Variants in SMPD3 observed in about 807,000 individuals in gnomAD.
SMPD3 encodes sphingomyelin phosphodiesterase 3, also known as nSMase-2.
In SMPD3, 21 loss-of-function variants were observed where a neutral mutation model predicts 55.7. That is an observed-to-expected ratio of 0.38 (90% CI 0.27 to 0.54). The LOEUF is 0.54. Ranked by LOEUF, SMPD3 falls within the 20% of genes least tolerant of loss-of-function variation. SMPD3 has a pLI of 0.80. For synonymous variants in SMPD3, 457 were observed against 404.3 expected (o/e 1.13, Z -1.56); for missense variants, 842 against 899.6 (o/e 0.94, Z 0.82).
intron 7 of SMPD3, 110 bp from the exon 8 acceptor site, chr16:68,361,869 G>C: frequency 3.9e-3 from 2,984 of 768,188 alleles, no homozygotes; most frequent in Non-Finnish European, 5.1e-3. Context: ...GGGTGGGTGG[G>C]ACCAAAGCGC....
chr16:68,420,501 G>C (rs1242847875), intron 1 of SMPD3, among the ~76,000 whole-genome samples: 1 of 152,188 alleles, frequency 6.6e-6, no homozygotes, highest in East Asian at 1.9e-4. Flanking sequence ...ACCATTACCT[G>C]ACAGTCCTCC....
At position 68,361,774 on chromosome 16, in the gene SMPD3, A is replaced by T; in HGVS notation, c.1710-15T>A. On this transcript the variant is annotated splice_polypyrimidine_tract_variant and intron_variant, in intron 7 of 8. Coordinates refer to ENST00000219334, the MANE Select transcript of SMPD3 (RefSeq NM_018667.4). ...TCTCCAGGACCCTGTCCACACATGC[A>T]GGAGGCAGGTGGGCCCCCATGCCCG... The T allele has an allele frequency of 1.3e-6, 2 of 1,539,242 alleles. No individual in the cohort carries two copies. Among genetic ancestry groups the T allele is most frequent in the Non-Finnish European group, 1.8e-6 (2 of 1,133,004 alleles).
chr16:68,363,855 C>G lies in SMPD3; in HGVS notation c.1567G>C (p.Glu523Gln). ...TGGGTGAACAGGGAGTGTTGCTGCTCCAGCTTGTCGTCTGTGCGGGGAGGG... is the reference window on the plus strand; with the variant it reads ...TGGGTGAACAGGGAGTGTTGCTGCTGCAGCTTGTCGTCTGTGCGGGGAGGG... ...FDNCSSDDKL[E>Q]QQHSLFTHYR... The change falls in exon 6 of 9, where the codon GAG becomes CAG. Residue 523 changes from glutamate to glutamine, a missense_variant. Transcript: ENST00000219334. 1 of 1,564,396 alleles carries G rather than the reference C, an allele frequency of 6.4e-7. No individual in the cohort carries two copies.
intron 1 of SMPD3, among the ~76,000 whole-genome samples, chr16:68,421,291 G>A (rs2090391586): frequency 6.6e-6 from 1 of 152,192 alleles, no homozygotes; most frequent in Non-Finnish European, 1.5e-5. Context: ...TCTGCCACCT[G>A]CTTTCTGTGG....
chr16:68,408,591 C>CTGAA (rs2090271579), intron 1 of SMPD3, among the ~76,000 whole-genome samples: 1 of 152,206 alleles, frequency 6.6e-6, no homozygotes, highest in African/African-American at 2.4e-5. Context: ...CAGCATATTG[C>CTGAA]TGAATGAATC....
At chr16:68,412,522 G>C (rs1455485605) in intron 1 of SMPD3, among the ~76,000 whole-genome samples, 1 of 152,226 alleles carries the variant, frequency 6.6e-6, no homozygotes, top group Non-Finnish European at 1.5e-5. Flanking sequence ...AGCACCCCCA[G>C]TCCCTGCCTG....
Position 68,361,628 on chromosome 16 carries a change from T to G in SMPD3, c.1841A>C (p.Glu614Ala), listed in dbSNP as rs1228569619. Residue 614 changes from glutamate (E) to alanine (A), a missense_variant, in exon 8 of 9, where the codon GAG becomes GCG. Glu to Ala is a moderately radical substitution (Grantham distance 107). Transcript: ENST00000219334. The part of the protein sequence containing the change: ...RRIDYMLHAE[E>A]GLCPDWKAEV... Reference sequence around the variant, plus strand: ...GGCCTTCCAGTCTGGGCACAGCCCCTCCTCTGCATGCAGCATGTAGTCGAT... The same window carrying G: ...GGCCTTCCAGTCTGGGCACAGCCCCGCCTCTGCATGCAGCATGTAGTCGAT... 6.2e-7 allele frequency: 1 copy of G among 1,610,114 alleles called. No homozygotes were observed. Among genetic ancestry groups the G allele is most frequent in the Non-Finnish European group, 8.5e-7 (1 of 1,179,918 alleles).
intron 1 of SMPD3, among the ~76,000 whole-genome samples, chr16:68,446,243 G>A (rs2152037206): frequency 6.6e-6 from 1 of 152,300 alleles, no homozygotes; most frequent in Middle Eastern, 3.4e-3. Context: ...GAGTATGTCA[G>A]GGTCAGACCT....
chr16:68,396,029 C>T (rs2090153861), intron 1 of SMPD3, among the ~76,000 whole-genome samples: 1 of 152,160 alleles, frequency 6.6e-6, no homozygotes, highest in African/African-American at 2.4e-5. Context: ...GGGTGTAGCC[C>T]CTAGTTGTCT....
At chr16:68,379,292 A>C (rs905890055) in intron 2 of SMPD3, among the ~76,000 whole-genome samples, 25 of 152,224 alleles carry the variant, frequency 1.6e-4, no homozygotes, top group African/African-American at 5.3e-4. Flanking sequence ...GGTGTTGGAC[A>C]TGCAGGGCCA....
chr16:68,405,587 A>G (rs2090248421), intron 1 of SMPD3, among the ~76,000 whole-genome samples: 1 of 151,920 alleles, frequency 6.6e-6, no homozygotes, highest in African/African-American at 2.4e-5. Context: ...AGAAAATACA[A>G]AAAGAGAATA....
Position 68,384,581 on chromosome 16 carries a change from G to A in SMPD3, c.-207+2017C>T, listed in dbSNP as rs544080258. Among the ~76,000 whole-genome samples the A allele has an allele frequency of 3.9e-5, 6 of 152,300 alleles. No individual in the cohort carries two copies. The East Asian group carries it at 9.6e-4, about 24-fold the overall frequency. On this transcript the variant is annotated intron_variant, in intron 2 of 8. Transcript: ENST00000219334. Reference sequence around the variant, plus strand: ...AGCAGAAGGAGGGACGGCCTTGTGTGTGTGACTCTGTGGGTTGTCTCTGCA... The same window carrying A: ...AGCAGAAGGAGGGACGGCCTTGTGTATGTGACTCTGTGGGTTGTCTCTGCA...
chr16:68,406,989 A>G (rs1389904243), intron 1 of SMPD3, among the ~76,000 whole-genome samples: 3 of 152,134 alleles, frequency 2.0e-5, no homozygotes, highest in Non-Finnish European at 4.4e-5. Context: ...GTAAAATCGG[A>G]TGGCTGTTCT....
intron 2 of SMPD3, among the ~76,000 whole-genome samples, chr16:68,378,466 A>C (rs1183398207): frequency 1.3e-5 from 2 of 152,186 alleles, no homozygotes; most frequent in Non-Finnish European, 2.9e-5. Flanking sequence ...GTGCTGTGGC[A>C]GCGGCTCCTA....
intron 3 of SMPD3, among the ~76,000 whole-genome samples, chr16:68,365,635 CT>C (rs1215153320): frequency 6.6e-6 from 1 of 152,168 alleles, no homozygotes; most frequent in East Asian, 1.9e-4. Flanking sequence ...GAGTCATCTG[CT>C]TTATAGGCCG....
At chr16:68,361,919 T>G (rs1416779941) in intron 7 of SMPD3, among the ~76,000 whole-genome samples, 160 bp from the exon 8 acceptor site, 1 of 152,160 alleles carries the variant, frequency 6.6e-6, no homozygotes, top group African/African-American at 2.4e-5. Context: ...AAAAAGGGCC[T>G]CAGCTGGGGG....
intron 1 of SMPD3, among the ~76,000 whole-genome samples, chr16:68,435,223 G>A (rs1317490945): frequency 6.6e-6 from 1 of 152,186 alleles, no homozygotes; most frequent in Non-Finnish European, 1.5e-5. Context: ...GTAGGTTGGG[G>A]GAAAGGGACC....
At chr16:68,430,548 C>A (rs1192055877) in intron 1 of SMPD3, among the ~76,000 whole-genome samples, 1 of 152,168 alleles carries the variant, frequency 6.6e-6, no homozygotes, top group Admixed American at 6.5e-5. Context: ...GGCTCCTTAC[C>A]CTTCATTCTG....
At chr16:68,364,066 C>T (rs1020076868) in intron 5 of SMPD3, among the ~76,000 whole-genome samples, 200 bp from the exon 6 acceptor site, 1 of 152,186 alleles carries the variant, frequency 6.6e-6, no homozygotes, top group Non-Finnish European at 1.5e-5. Flanking sequence ...TTGAGAACAC[C>T]TCCCCCAGCA....
Sources: gnomAD v4.1 joint callset for allele counts (sites outside exome capture counted in the v4.1 genomes callset) on GRCh38, gnomAD v4.1.1 for gene constraint, MANE v1.5 for transcripts, NCBI Gene and HGNC (gene_info 2026-07-23, HGNC 2026-07-21) for gene names.